Variants in GSDME observed in about 807,000 individuals in gnomAD.
GSDME encodes gasdermin E.
A neutral mutation model predicts 47.5 loss-of-function variants in GSDME; 44 were observed. That is an observed-to-expected ratio of 0.93 (90% CI 0.73 to 1.19). GSDME has a LOEUF of 1.19. Among genes scored for constraint, GSDME ranks in the 50% most tolerant of loss-of-function variants. The pLI is 0.00. For missense variants in GSDME, 663 were observed against 604.2 expected (o/e 1.10, Z -1.02); for synonymous variants, 258 against 252.8 (o/e 1.02, Z -0.20).
rs1385800214 is a variant in GSDME, at chr7:24,704,141, G to A, written c.1184-1308C>T. ...TTTTACTACTTGACTCTGATTTCCT[G>A]GAGGGCCAAGACTTGATATTTACCT... On this transcript the variant is annotated intron_variant, in intron 8 of 9. Coordinates refer to ENST00000645220, the MANE Select transcript of GSDME (RefSeq NM_001127453.2). 2.0e-5 allele frequency: 3 copies of A among 152,212 alleles called. No individual in the cohort carries two copies. In the East Asian group the frequency reaches 5.8e-4, roughly 29 times the overall value. 9.4% of individuals were successfully genotyped at this position (152,212 alleles called of 1,614,324 possible). A position where few individuals can be genotyped will look rare whatever the true frequency, so the allele number is the denominator to read the frequency against.
intron 3 of GSDME, among the ~76,000 whole-genome samples, chr7:24,719,797 A>G (rs535785983): frequency 1.3e-5 from 2 of 152,176 alleles, no homozygotes; most frequent in South Asian, 4.1e-4. Context: ...CATCTCAAAA[A>G]AAAAAAGGAA....
At chr7:24,764,086 C>A in the GSDME span, among the ~76,000 whole-genome samples, 1 of 152,194 alleles carries the variant, frequency 6.6e-6, no homozygotes, top group African/African-American at 2.4e-5. The surrounding 1 kb of genome is among the most constrained non-coding windows in gnomAD (Gnocchi z 4.4). Flanking sequence ...ATTACTGATA[C>A]AACTTCTTAG....
chr7:24,744,627 A>G lies in GSDME; in HGVS notation c.339T>C (p.Ser113=). 6.2e-7 allele frequency: 1 copy of G among 1,614,150 alleles called. No homozygotes were observed. The highest frequency in any genetic ancestry group is 1.1e-5 in the South Asian group (1 of 91,078). ...CCTGCTTCCTCAGGGTTCCAAATGA[A>G]GACTGGCTCTCTACGCGGCTGCTGC... ...LGGSSRVESQ[S]SFGTLRKQEV... The change falls in exon 3 of 10, where the codon TCT becomes TCC. Residue 113 remains serine (S), a synonymous_variant. Coordinates refer to ENST00000645220, the MANE Select transcript of GSDME (RefSeq NM_001127453.2). The surrounding 1 kb of genome is among the most constrained non-coding windows in gnomAD (Gnocchi z 4.5).
chr7:24,750,661 A>T (rs1412572278), intron 1 of GSDME, among the ~76,000 whole-genome samples: 2 of 152,204 alleles, frequency 1.3e-5, no homozygotes, highest in African/African-American at 4.8e-5. Flanking sequence ...CCTACTGACT[A>T]TCATAATAGA....
intron 7 of GSDME, chr7:24,707,516 C>G (rs560819979): frequency 2.2e-6 from 1 of 451,088 alleles, no homozygotes; most frequent in South Asian, 1.6e-5. Flanking sequence ...GACCCCCTTG[C>G]AGTAGTCTGA....
rs1790792768 is a variant in GSDME, at chr7:24,749,681, G to A, written c.94C>T (p.Gln32Ter). The A allele has an allele frequency of 1.2e-6, 2 of 1,614,106 alleles. No individual in the cohort carries two copies. Among genetic ancestry groups the A allele is most frequent in the Non-Finnish European group, 1.7e-6 (2 of 1,179,982 alleles). The change falls in exon 2 of 10, where the codon CAG (glutamine) becomes TAG (stop). Residue 32 changes from glutamine (Q) to a stop codon, truncating the protein, a stop_gained. Coordinates refer to ENST00000645220, the MANE Select transcript of GSDME (RefSeq NM_001127453.2). LOFTEE classifies it high-confidence loss of function. ...TTTTTTGTCACCAGACTTAGAAGCT[G>A]TAACTTATCAGAGTCATTCAGATTT... The part of the protein sequence containing the change: ...VSNLNDSDKL[Q>*]LLSLVTKKKR...
At chr7:24,759,194 C>T (rs1324964569), upstream of GSDME, among the ~76,000 whole-genome samples, 4 of 152,202 alleles carry the variant, frequency 2.6e-5, no homozygotes, top group Admixed American at 6.5e-5. Context: ...TAAAATTATA[C>T]GGTGATGATT....
Position 24,728,837 on chromosome 7 carries a change from G to A in GSDME, c.405-9619C>T, listed in dbSNP as rs543066389. ...AGAAACCTCAACTCCTGTGCCCTGG[G>A]CCTCCACTTCCAACACAGTGAGATA... On this transcript the variant is annotated intron_variant, in intron 3 of 9. Coordinates refer to ENST00000645220, the MANE Select transcript of GSDME (RefSeq NM_001127453.2). This position sits in a 1 kb window ranked among gnomAD's most constrained non-coding sequence, Gnocchi z 7.2. Among the ~76,000 whole-genome samples, 1 of 152,300 alleles carries A rather than the reference G, an allele frequency of 6.6e-6. No homozygotes were observed. The highest frequency in any genetic ancestry group is 1.9e-4 in the East Asian group (1 of 5,196).
At chr7:24,706,544 A>G (rs759885684) in intron 7 of GSDME, among the ~76,000 whole-genome samples, 168 bp from the exon 8 acceptor site, 1 of 152,176 alleles carries the variant, frequency 6.6e-6, no homozygotes, top group Non-Finnish European at 1.5e-5. Context: ...TGGTGGCTAC[A>G]TTTCACTGAC....
At chr7:24,748,122 G>A (rs549827677) in intron 2 of GSDME, among the ~76,000 whole-genome samples, 2 of 137,272 alleles carry the variant, frequency 1.5e-5, no homozygotes, top group Non-Finnish European at 1.7e-5. Flanking sequence ...AAAAAATAAG[G>A]AGTGTATAAA....
At chr7:24,753,282 CT>C (rs1444001585) in intron 1 of GSDME, among the ~76,000 whole-genome samples, 1 of 152,226 alleles carries the variant, frequency 6.6e-6, no homozygotes, top group Non-Finnish European at 1.5e-5. Flanking sequence ...CTCCTCTCCC[CT>C]TCAGCCATAT....
chr7:24,774,875 G>T, the GSDME span, among the ~76,000 whole-genome samples: 8 of 152,144 alleles, frequency 5.3e-5, no homozygotes, highest in South Asian at 2.1e-4. Context: ...GTGAAACCCA[G>T]CCCCTGTCTT....
chr7:24,794,010 C>A, the GSDME span, among the ~76,000 whole-genome samples: 7 of 152,346 alleles, frequency 4.6e-5, no homozygotes, highest in South Asian at 1.2e-3. Flanking sequence ...CTTGTTTACA[C>A]TGACAACAAA....
the GSDME span, among the ~76,000 whole-genome samples, chr7:24,771,546 G>A: frequency 6.6e-6 from 1 of 152,180 alleles, no homozygotes; most frequent in Non-Finnish European, 1.5e-5. The surrounding 1 kb of genome is among the most constrained non-coding windows in gnomAD (Gnocchi z 4.1). Context: ...CTTGCATCCT[G>A]GTTCTGCCAC....
the GSDME span, among the ~76,000 whole-genome samples, chr7:24,767,914 T>C: frequency 6.6e-6 from 1 of 152,228 alleles, no homozygotes; most frequent in African/African-American, 2.4e-5. This position sits in a 1 kb window ranked among gnomAD's most constrained non-coding sequence, Gnocchi z 5.3. Flanking sequence ...GCTTTATTAA[T>C]GTTTTATTAA....
At chr7:24,711,535 A>C (rs1789352382) in intron 5 of GSDME, among the ~76,000 whole-genome samples, 1 of 152,096 alleles carries the variant, frequency 6.6e-6, no homozygotes, top group South Asian at 2.1e-4. Flanking sequence ...TAAATAATAA[A>C]AAGGGCCGGG....
At chr7:24,785,425 ATATT>A in the GSDME span, among the ~76,000 whole-genome samples, 1 of 152,162 alleles carries the variant, frequency 6.6e-6, no homozygotes, top group South Asian at 2.1e-4. Context: ...AAGGGTTTCA[ATATT>A]TATTTAGTCC....
intron 9 of GSDME, 52 bp from the exon 10 acceptor site, chr7:24,699,311 A>T: frequency 7.3e-7 from 1 of 1,362,560 alleles, no homozygotes; most frequent in Non-Finnish European, 1.0e-6. Flanking sequence ...TAAAAAATCC[A>T]CATTGGATAG....
In GSDME at chr7:24,745,360, T is replaced by G. The variant is rs530950063; in HGVS notation, c.212-606A>C. Among the ~76,000 whole-genome samples the G allele has an allele frequency of 2.6e-5, 4 of 152,218 alleles. No homozygotes were observed. In the South Asian group the frequency reaches 6.2e-4, roughly 24 times the overall value. On this transcript the variant is annotated intron_variant, in intron 2 of 9. Coordinates refer to ENST00000645220, the MANE Select transcript of GSDME (RefSeq NM_001127453.2). The surrounding 1 kb of genome is among the most constrained non-coding windows in gnomAD (Gnocchi z 4.4). ...ATCTTGTCTACCCACCCACCAGTCT[T>G]GGAAAACAATCCCCTGGCCCTTATT...
Sources: allele counts gnomAD v4.1 joint callset (sites outside exome capture counted in the v4.1 genomes callset), GRCh38; gene constraint gnomAD v4.1.1; non-coding constraint Gnocchi (gnomAD v3.1); transcripts MANE v1.5; gene names NCBI Gene and HGNC (gene_info 2026-07-23, HGNC 2026-07-21).